The following NRXN1 variants were observed in gnomAD, a reference collection of about 807,000 sequenced individuals.
NRXN1 encodes neurexin 1, also known as neurexin-1.
Under a neutral mutation model 150.9 loss-of-function variants are expected in NRXN1, and 39 were observed. The observed-to-expected ratio is 0.26, with a 90% CI of 0.20 to 0.34. The LOEUF (loss-of-function observed/expected upper bound fraction) is 0.34, where lower values mean the gene tolerates loss of function less well. Among genes scored for constraint, NRXN1 ranks in the 10% least tolerant of loss-of-function variants. The pLI, the probability that NRXN1 is intolerant of heterozygous loss-of-function variation, is 1.00. For missense variants in NRXN1, 1,815 were observed against 1,949.9 expected, an observed-to-expected ratio of 0.93 and a Z score of 1.30; for synonymous variants, 924 against 757.0, an observed-to-expected ratio of 1.22 and a Z score of -3.62.
At chr2:50,477,259 T>C (rs944791654) in intron 15 of NRXN1, among the ~76,000 whole-genome samples, 1 of 151,880 alleles carries the variant, frequency 6.6e-6, no homozygotes, top group Non-Finnish European at 1.5e-5. Flanking sequence ...CTGAAAAAAA[T>C]AAATAATTAA....
rs551325317 is a variant in NRXN1 at position 50,695,005 on chromosome 2, A to G, written c.833-71390T>C. On this transcript the variant is annotated intron_variant, in intron 5 of 22. Transcript: ENST00000401669. ...AAATTGATCTGGGAGTGCCTTTAGA[A>G]TAAACACAGCTGGATTCTCTGCAGC... Among the ~76,000 whole-genome samples, 166 of 152,256 alleles carry G rather than the reference A, an allele frequency of 1.1e-3. 2 individuals carry two copies. In the South Asian group the frequency reaches 0.033, roughly 31 times the overall value.
intron 5 of NRXN1, among the ~76,000 whole-genome samples, chr2:50,879,062 G>A (rs1336817971): frequency 6.6e-6 from 1 of 151,854 alleles, no homozygotes; most frequent in Non-Finnish European, 1.5e-5. Context: ...GATGTAACTG[G>A]CATCTAAATC....
intron 21 of NRXN1, among the ~76,000 whole-genome samples, chr2:49,995,325 T>A (rs922905602): frequency 1.3e-5 from 2 of 152,250 alleles, no homozygotes; most frequent in Non-Finnish European, 2.9e-5. Context: ...TACATTTTAA[T>A]AACATTGTCA....
At chr2:50,574,138 T>C (rs939060535) in intron 8 of NRXN1, among the ~76,000 whole-genome samples, 3 of 152,168 alleles carry the variant, frequency 2.0e-5, no homozygotes, top group African/African-American at 4.8e-5. Context: ...AGTCCTCCTT[T>C]ACTTCTTTTC....
intron 5 of NRXN1, among the ~76,000 whole-genome samples, chr2:50,723,027 C>T (rs373737793): frequency 4.7e-4 from 71 of 152,196 alleles, no homozygotes; most frequent in African/African-American, 1.5e-3. Context: ...GATCACTTCG[C>T]TGTGTATTGT....
At chr2:50,214,091 G>A (rs2152847515) in intron 18 of NRXN1, among the ~76,000 whole-genome samples, 1 of 151,930 alleles carries the variant, frequency 6.6e-6, no homozygotes, top group East Asian at 1.9e-4. Flanking sequence ...TATGTTCTTG[G>A]ATTTGATACT....
At chr2:49,988,951 T>C (rs1424666161) in intron 21 of NRXN1, among the ~76,000 whole-genome samples, 1 of 152,200 alleles carries the variant, frequency 6.6e-6, no homozygotes, top group Non-Finnish European at 1.5e-5. Context: ...CAGGAATTTC[T>C]ACCACCTGTT....
intron 15 of NRXN1, among the ~76,000 whole-genome samples, chr2:50,480,918 A>G (rs1323307989): frequency 2.0e-5 from 3 of 152,228 alleles, no homozygotes; most frequent in African/African-American, 4.8e-5. Flanking sequence ...CAAAACCAGA[A>G]AAAACAGCTC....
At chr2:50,566,409 ATTTTTTT>A (rs35437819) in intron 8 of NRXN1, among the ~76,000 whole-genome samples, 2 of 130,080 alleles carry the variant, frequency 1.5e-5, no homozygotes, top group Non-Finnish European at 3.2e-5. Flanking sequence ...ACGCCCAGCT[ATTTTTTT>A]TTTTTTTTTT....
At chr2:50,539,845 A>T (rs2093350151) in intron 9 of NRXN1, among the ~76,000 whole-genome samples, 1 of 152,202 alleles carries the variant, frequency 6.6e-6, no homozygotes, top group Non-Finnish European at 1.5e-5. Context: ...GAGGTGTGAT[A>T]CAGAAGTAAG....
At chr2:50,197,972 T>C (rs17040160) in intron 18 of NRXN1, among the ~76,000 whole-genome samples, 38,315 of 152,010 alleles carry the variant, frequency 0.25, 6,062 homozygotes, top group African/African-American at 0.42. Context: ...TAAAGTCAAA[T>C]CTCTTGTCTT....
intron 8 of NRXN1, among the ~76,000 whole-genome samples, chr2:50,596,817 G>T (rs1411855239): frequency 6.7e-6 from 1 of 148,938 alleles, no homozygotes; most frequent in Non-Finnish European, 1.5e-5. Context: ...AATCTATTTG[G>T]ATTGCTCCTC....
At chr2:50,713,728 T>G (rs1465899037) in intron 5 of NRXN1, among the ~76,000 whole-genome samples, 1 of 152,172 alleles carries the variant, frequency 6.6e-6, no homozygotes, top group Non-Finnish European at 1.5e-5. Context: ...TAATTAACAG[T>G]GGTATTTACC....
chr2:50,949,823 T>C (rs890089420), intron 2 of NRXN1, among the ~76,000 whole-genome samples: 6 of 152,158 alleles, frequency 3.9e-5, no homozygotes, highest in Non-Finnish European at 5.9e-5. Context: ...ATGGGTTAGA[T>C]ATTCCCACAG....
At chr2:50,989,216 A>G (rs1488748993) in intron 2 of NRXN1, among the ~76,000 whole-genome samples, 6 of 152,044 alleles carry the variant, frequency 3.9e-5, no homozygotes, top group Non-Finnish European at 2.9e-5. Flanking sequence ...TTTACTAATG[A>G]CAGTAAAATA....
At chr2:50,727,906 G>C (rs1465016425) in intron 5 of NRXN1, among the ~76,000 whole-genome samples, 3 of 152,088 alleles carry the variant, frequency 2.0e-5, no homozygotes, top group Admixed American at 6.6e-5. Flanking sequence ...ATTACTGTCA[G>C]CGTTATTGTT....
intron 17 of NRXN1, among the ~76,000 whole-genome samples, chr2:50,294,816 A>G (rs754909871): frequency 2.6e-5 from 4 of 152,206 alleles, no homozygotes; most frequent in Non-Finnish European, 5.9e-5. Flanking sequence ...GATCTGTTTT[A>G]TTTCCAGAGT....
chr2:50,820,606 T>C (rs891502940), intron 5 of NRXN1, among the ~76,000 whole-genome samples: 1 of 152,174 alleles, frequency 6.6e-6, no homozygotes. Flanking sequence ...TATTCTTGTT[T>C]GCCGTCTGCC....
intron 5 of NRXN1, among the ~76,000 whole-genome samples, chr2:50,904,610 T>A (rs1377246339): frequency 6.6e-6 from 1 of 152,156 alleles, no homozygotes; most frequent in Admixed American, 6.5e-5. Context: ...GCAAAACACT[T>A]GTTATTCAGT....
Sources: gnomAD v4.1 joint callset for allele counts (sites outside exome capture counted in the v4.1 genomes callset) on GRCh38, gnomAD v4.1.1 for gene constraint, MANE v1.5 for transcripts, NCBI Gene and HGNC (gene_info 2026-07-23, HGNC 2026-07-21) for gene names.